Variants in EYS observed in about 807,000 individuals in gnomAD.
EYS encodes protein eyes shut homolog.
In EYS, 250 loss-of-function variants were observed where a neutral mutation model predicts 282.1. That is an observed-to-expected ratio of 0.89 (90% CI 0.80 to 0.98). The LOEUF (loss-of-function observed/expected upper bound fraction) is 0.98. Ranked by LOEUF, EYS falls within the 50% of genes least tolerant of loss-of-function variation. EYS has a pLI of 0.00. For missense variants in EYS, 4,016 were observed against 3,709.0 expected (o/e 1.08, Z -2.15); for synonymous variants, 1,355 against 1,282.9 (o/e 1.06, Z -1.20).
intron 1 of EYS, among the ~76,000 whole-genome samples, chr6:65,641,511 A>C (rs1767274243): frequency 6.6e-6 from 1 of 152,180 alleles, no homozygotes; most frequent in East Asian, 1.9e-4. Context: ...CTGATCCTCT[A>C]ACTCACCCAT....
intron 22 of EYS, among the ~76,000 whole-genome samples, chr6:64,650,601 T>C (rs1768522712): frequency 6.6e-6 from 1 of 150,938 alleles, no homozygotes; most frequent in South Asian, 2.1e-4. Context: ...CTTACAATAT[T>C]GTTTTGAGGA....
rs137947739 is a variant in EYS at position 64,419,161 on chromosome 6, G to A, written c.5927+17013C>T. Among the ~76,000 whole-genome samples, 306 of 152,098 alleles carry A rather than the reference G, an allele frequency of 2.0e-3. 1 individual carries two copies. The highest frequency in any genetic ancestry group is 6.6e-3 in the African/African-American group (273 of 41,470). On this transcript the variant is annotated intron_variant, in intron 28 of 42. Coordinates refer to ENST00000503581, the MANE Select transcript of EYS (RefSeq NM_001142800.2). The stretch of plus-strand genomic sequence containing the variant: ...TAAGTAGCTATATTAGTCCATTCTC[G>A]TGCTGCTAATAAAGAGATACCCAAG...
chr6:65,437,113 C>T (rs1344597085), intron 5 of EYS, among the ~76,000 whole-genome samples: 5 of 152,120 alleles, frequency 3.3e-5, no homozygotes, highest in Non-Finnish European at 5.9e-5. Context: ...TTATGTTTCT[C>T]TTTTTCTTTA....
intron 19 of EYS, among the ~76,000 whole-genome samples, chr6:64,857,816 GAATT>G (rs1198307936): frequency 3.3e-5 from 5 of 152,010 alleles, no homozygotes; most frequent in African/African-American, 1.2e-4. Flanking sequence ...TAATGAGAGA[GAATT>G]AATTGTGGTT....
intron 1 of EYS, among the ~76,000 whole-genome samples, chr6:65,648,578 A>C (rs1399606094): frequency 6.6e-6 from 1 of 152,080 alleles, no homozygotes; most frequent in Admixed American, 6.5e-5. Flanking sequence ...GGTCGTGAGG[A>C]GTAAAAGAGT....
chr6:64,799,805 T>G (rs1006130559), intron 22 of EYS, among the ~76,000 whole-genome samples: 1 of 151,830 alleles, frequency 6.6e-6, no homozygotes, highest in African/African-American at 2.4e-5. Context: ...TATCTGAATA[T>G]CTACATAAAT....
intron 30 of EYS, among the ~76,000 whole-genome samples, chr6:64,302,564 G>A (rs1769274009): frequency 6.6e-6 from 1 of 152,086 alleles, no homozygotes; most frequent in South Asian, 2.1e-4. Context: ...TCCAGCTTAT[G>A]CCAGCTCACA....
intron 15 of EYS, among the ~76,000 whole-genome samples, chr6:64,941,181 GAC>G (rs1426108559): frequency 1.3e-5 from 2 of 151,968 alleles, no homozygotes; most frequent in African/African-American, 4.8e-5. Context: ...AGGAGTTCGA[GAC>G]CAGCCTGGCT....
rs115135530 is a variant in EYS at position 64,331,147 on chromosome 6, C to A, written c.6079-24065G>T. 1.3e-3 allele frequency among the ~76,000 whole-genome samples: 195 copies of A among 152,238 alleles called. 1 individual carries two copies. Among genetic ancestry groups the A allele is most frequent in the African/African-American group, 4.2e-3 (176 of 41,532 alleles). On this transcript the variant is annotated intron_variant, in intron 29 of 42. Transcript: ENST00000503581. ...GCTGAGCTAATAGCTCTCACTAGAA[C>A]GTTGCTCTTGGCCAAAGGAAAGTCA...
intron 13 of EYS, among the ~76,000 whole-genome samples, chr6:65,037,257 G>C (rs775235547): frequency 1.3e-5 from 2 of 151,738 alleles, no homozygotes; most frequent in Non-Finnish European, 2.9e-5. Flanking sequence ...GGAGCTAAGC[G>C]TTGAGTACAC....
intron 22 of EYS, among the ~76,000 whole-genome samples, chr6:64,788,776 G>A (rs1774096485): frequency 1.3e-5 from 2 of 152,152 alleles, no homozygotes; most frequent in East Asian, 1.9e-4. Flanking sequence ...TTACAAATGG[G>A]CATTTTTAAA....
intron 31 of EYS, among the ~76,000 whole-genome samples, chr6:64,137,393 C>T (rs576635367): frequency 6.6e-6 from 1 of 152,234 alleles, no homozygotes; most frequent in South Asian, 2.1e-4. Flanking sequence ...CCTTTGCATT[C>T]ACAACTTGGC....
At chr6:64,023,382 A>T (rs1769284535) in intron 33 of EYS, among the ~76,000 whole-genome samples, 1 of 152,236 alleles carries the variant, frequency 6.6e-6, no homozygotes, top group Non-Finnish European at 1.5e-5. Context: ...TGTGGGGGTC[A>T]TATAGTAAAT....
At chr6:65,627,015 C>CT (rs1766723754) in intron 2 of EYS, among the ~76,000 whole-genome samples, 1 of 30,736 alleles carries the variant, frequency 3.3e-5, no homozygotes, top group African/African-American at 4.9e-4. Flanking sequence ...TCTCTCTGCC[C>CT]TTTCTTTCTT....
intron 36 of EYS, among the ~76,000 whole-genome samples, chr6:63,826,908 T>C (rs1164531179): frequency 4.8e-5 from 6 of 126,050 alleles, no homozygotes; most frequent in South Asian, 4.9e-4. Flanking sequence ...AAGAGCACAA[T>C]GAAAGCAAGG....
At chr6:63,758,144 C>T (rs933926154) in intron 41 of EYS, among the ~76,000 whole-genome samples, 2 of 152,146 alleles carry the variant, frequency 1.3e-5, no homozygotes, top group Non-Finnish European at 2.9e-5. Context: ...CTCAAACAGT[C>T]CTCCTGCCTT....
At chr6:65,537,496 T>C (rs1366755962) in intron 2 of EYS, among the ~76,000 whole-genome samples, 1 of 150,478 alleles carries the variant, frequency 6.6e-6, no homozygotes, top group Non-Finnish European at 1.5e-5. Flanking sequence ...CATAACACAC[T>C]TGTTATGTTT....
At chr6:65,262,753 T>A (rs1269788099) in intron 12 of EYS, among the ~76,000 whole-genome samples, 1 of 152,100 alleles carries the variant, frequency 6.6e-6, no homozygotes, top group East Asian at 1.9e-4. Context: ...TGAGATGCAC[T>A]AGTTAGGTTC....
At position 65,692,236 on chromosome 6, in the gene EYS, G is replaced by A. The variant is rs116897828; in HGVS notation, c.-448+14899C>T. 1.8e-3 allele frequency among the ~76,000 whole-genome samples: 272 copies of A among 150,204 alleles called. 60 individuals carry two copies. The East Asian group carries it at 0.054, about 30-fold the overall frequency. Reference sequence around the variant, plus strand: ...ATAATGTTAACAGTGAACATAGAGCGTGGAATAATAGGCATAGGAGACTTG... The same window carrying A: ...ATAATGTTAACAGTGAACATAGAGCATGGAATAATAGGCATAGGAGACTTG... On this transcript the variant is annotated intron_variant, in intron 1 of 42. Coordinates refer to ENST00000503581, the MANE Select transcript of EYS (RefSeq NM_001142800.2).
Sources: allele counts gnomAD v4.1 joint callset (sites outside exome capture counted in the v4.1 genomes callset), GRCh38; gene constraint gnomAD v4.1.1; transcripts MANE v1.5; gene names NCBI Gene and HGNC (gene_info 2026-07-23, HGNC 2026-07-21).